Variants in MSL2 observed in about 807,000 individuals in gnomAD.
MSL2 encodes E3 ubiquitin-protein ligase MSL2.
Under a neutral mutation model 35.8 loss-of-function variants are expected in MSL2, and 2 were observed. The ratio of observed to expected loss-of-function variants is 0.06; its 90% CI spans 0.02 to 0.18. MSL2 has a LOEUF of 0.18. Ranked by LOEUF, MSL2 falls within the 10% of genes least tolerant of loss-of-function variation. The probability of loss-of-function intolerance (pLI) is 1.00; values close to 1 mark genes in which losing one functional copy is unlikely to be tolerated. For missense variants in MSL2, 523 were observed against 706.7 expected (o/e 0.74, Z 2.95); for synonymous variants, 296 against 255.7 (o/e 1.16, Z -1.50).
rs1193703473 is a variant in MSL2, at chr3:136,151,542, T to C, written c.1339A>G (p.Ser447Gly). ...KIPSHHFMPG[S>G]PTKTVYKKPQ... Reference sequence around the variant, plus strand: ...TTTTTGTACACAGTCTTGGTAGGACTTCCTGGCATAAAATGATGACTAGGA... The same window carrying C: ...TTTTTGTACACAGTCTTGGTAGGACCTCCTGGCATAAAATGATGACTAGGA... Residue 447 changes from serine (S) to glycine (G), a missense_variant, in exon 2 of 2, where the codon AGT (serine) becomes GGT (glycine). Ser to Gly is a moderately conservative substitution (Grantham distance 56, BLOSUM62 0). This residue lies in a region of MSL2 where 361 missense variants were observed against 414.6 expected (regional missense o/e 0.87). Coordinates refer to ENST00000309993, the MANE Select transcript of MSL2 (RefSeq NM_018133.4). The surrounding 1 kb of genome is among the most constrained non-coding windows in gnomAD (Gnocchi z 5.2). The C allele has an allele frequency of 5.0e-6, 8 of 1,614,226 alleles. No homozygotes were observed. Among genetic ancestry groups the C allele is most frequent in the Non-Finnish European group, 6.8e-6 (8 of 1,180,048 alleles).
intron 1 of MSL2, among the ~76,000 whole-genome samples, chr3:136,157,831 A>G (rs2108063832): frequency 6.6e-6 from 1 of 152,368 alleles, no homozygotes; most frequent in East Asian, 1.9e-4. Context: ...ACCTGTAATA[A>G]AAGTTTTAAA....
chr3:136,160,599 A>G (rs1044402152), intron 1 of MSL2, among the ~76,000 whole-genome samples: 1 of 151,712 alleles, frequency 6.6e-6, no homozygotes, highest in Admixed American at 6.6e-5. Context: ...AGTCCCAGCT[A>G]CTCAGGAGGC....
At chr3:136,176,299 A>G (rs1263857393) in intron 1 of MSL2, among the ~76,000 whole-genome samples, 1 of 152,046 alleles carries the variant, frequency 6.6e-6, no homozygotes, top group Admixed American at 6.6e-5. Flanking sequence ...GGATTGCTTG[A>G]GTCCAGGAGT....
chr3:136,185,537 T>TGGGGGGGGG (rs1405100279), intron 1 of MSL2, among the ~76,000 whole-genome samples: 1 of 64,238 alleles, frequency 1.6e-5, no homozygotes, highest in Non-Finnish European at 3.4e-5. Flanking sequence ...TCTTTTTTTT[T>TGGGGGGGGG]GGAGGGGGGG....
chr3:136,151,020 G>C lies in MSL2; in HGVS notation c.*127C>G. On this transcript the variant is annotated 3_prime_UTR_variant, in exon 2 of 2. Coordinates refer to ENST00000309993, the MANE Select transcript of MSL2 (RefSeq NM_018133.4). This position sits in a 1 kb window ranked among gnomAD's most constrained non-coding sequence, Gnocchi z 5.2. ...CCCCGACACTAACACATATAACTTA[G>C]CAATGAAAACACTTGATACAAGTGA... 1 of 1,013,910 alleles carries C rather than the reference G, an allele frequency of 9.9e-7. No individual in the cohort carries two copies. The highest frequency in any genetic ancestry group is 1.5e-6 in the Non-Finnish European group (1 of 682,094). 62.8% of individuals were successfully genotyped at this position (1,013,910 alleles called of 1,614,324 possible).
Position 136,152,422 on chromosome 3 carries a change from C to T in MSL2, c.459G>A (p.Leu153=), listed in dbSNP as rs1279425332. The T allele has an allele frequency of 1.3e-5, 21 of 1,613,996 alleles. No homozygotes were observed. Among genetic ancestry groups the T allele is most frequent in the Non-Finnish European group, 1.7e-5 (20 of 1,180,016 alleles). ...TEKPSDSSFT[L]CLTHSPLPST... ...AAGGTAAAGGGGAATGTGTCAAACA[C>T]AAAGTAAAGGATGAATCTGAGGGTT... The change falls in exon 2 of 2, where the codon TTG becomes TTA. Residue 153 remains leucine (L), a synonymous_variant. Coordinates refer to ENST00000309993, the MANE Select transcript of MSL2 (RefSeq NM_018133.4).
intron 1 of MSL2, among the ~76,000 whole-genome samples, chr3:136,181,566 G>C (rs1450819749): frequency 2.6e-5 from 4 of 152,114 alleles, no homozygotes; most frequent in Non-Finnish European, 4.4e-5. Context: ...TTGTTCTAAA[G>C]GTCTGTAAAT....
chr3:136,154,375 C>A (rs145354169), intron 1 of MSL2, among the ~76,000 whole-genome samples: 1,536 of 152,204 alleles, frequency 0.01, 29 homozygotes, highest in African/African-American at 0.033. Context: ...CTCAAATTAT[C>A]AATGACATAT....
intron 1 of MSL2, among the ~76,000 whole-genome samples, chr3:136,164,640 C>T (rs577628328): frequency 1.3e-5 from 2 of 152,198 alleles, no homozygotes; most frequent in Non-Finnish European, 2.9e-5. Flanking sequence ...AAACCCCCCA[C>T]CTCCAACTTA....
In MSL2 at chr3:136,152,130, T is replaced by C; in HGVS notation, c.751A>G (p.Ile251Val). Reference protein sequence around the residue: ...TVATDLCSTGIDICSFSEDIK... With the variant: ...TVATDLCSTGVDICSFSEDIK... ...TCTTCACTGAAACTGCAGATATCAA[T>C]GCCTGTGGAACATAAGTCAGTGGCT... The change falls in exon 2 of 2, where the codon ATT becomes GTT. Residue 251 changes from isoleucine (I) to valine (V), a missense_variant. By Grantham distance (29) the Ile-to-Val change is conservative. Around this residue, in one of 5 missense-constraint regions of MSL2, gnomAD observed 361 missense variants for 414.6 expected, o/e 0.87. Coordinates refer to ENST00000309993, the MANE Select transcript of MSL2 (RefSeq NM_018133.4). The C allele has an allele frequency of 1.9e-6, 3 of 1,614,188 alleles. No individual in the cohort carries two copies. The highest frequency in any genetic ancestry group is 2.2e-5 in the South Asian group (2 of 91,080).
At position 136,151,516 on chromosome 3, in the gene MSL2, T is replaced by C; in HGVS notation, c.1365A>G (p.Lys455=). ...ATTTACACCCTTTCTTTTCCTGGGG[T>C]TTTTTGTACACAGTCTTGGTAGGAC... ...PGSPTKTVYK[K]PQEKKGCKCG... Residue 455 remains lysine (K), a synonymous_variant, in exon 2 of 2, where the codon AAA becomes AAG. Transcript: ENST00000309993. This position sits in a 1 kb window ranked among gnomAD's most constrained non-coding sequence, Gnocchi z 5.2. 2 of 1,614,016 alleles carry C rather than the reference T, an allele frequency of 1.2e-6. No individual in the cohort carries two copies. Among genetic ancestry groups the C allele is most frequent in the East Asian group, 2.2e-5 (1 of 44,888 alleles).
chr3:136,164,818 G>T (rs924323028), intron 1 of MSL2, among the ~76,000 whole-genome samples: 2 of 152,218 alleles, frequency 1.3e-5, no homozygotes, highest in Admixed American at 6.5e-5. Flanking sequence ...AGCATAGATC[G>T]TGTTCCATAT....
intron 1 of MSL2, among the ~76,000 whole-genome samples, chr3:136,170,099 T>C (rs1039121493): frequency 2.0e-5 from 3 of 149,202 alleles, no homozygotes; most frequent in Non-Finnish European, 3.0e-5. Context: ...CCCAGCACTT[T>C]GGGAGGCTGA....
chr3:136,170,507 CCTTTT>C (rs1251447097), intron 1 of MSL2, among the ~76,000 whole-genome samples: 49 of 142,668 alleles, frequency 3.4e-4, no homozygotes, highest in Non-Finnish European at 6.1e-4. Flanking sequence ...AAAACTCTGT[CCTTTT>C]TTTTTTTTTT....
At chr3:136,165,203 G>A (rs1193497251) in intron 1 of MSL2, among the ~76,000 whole-genome samples, 2 of 139,448 alleles carry the variant, frequency 1.4e-5, no homozygotes, top group Admixed American at 7.2e-5. Flanking sequence ...TGTAAAGTTC[G>A]TGACAAAAAA....
At chr3:136,168,824 T>C (rs1434624037) in intron 1 of MSL2, among the ~76,000 whole-genome samples, 2 of 152,076 alleles carry the variant, frequency 1.3e-5, no homozygotes, top group African/African-American at 2.4e-5. Context: ...TAAAACCAAT[T>C]TCCTCAGCAA....
chr3:136,152,203 T>C lies in MSL2; in HGVS notation c.678A>G (p.Ile226Met). ...NTIDVCNTVD[I>M]KTEDLSDSLP... ...GGCTGTCAGACAGATCCTCAGTTTTTATGTCAACAGTATTACATACGTCAA... is the reference window on the plus strand; with the variant it reads ...GGCTGTCAGACAGATCCTCAGTTTTCATGTCAACAGTATTACATACGTCAA... The change falls in exon 2 of 2, where the codon ATA becomes ATG. Residue 226 changes from isoleucine to methionine, a missense_variant. Around this residue, in one of 5 missense-constraint regions of MSL2, gnomAD observed 361 missense variants for 414.6 expected, o/e 0.87. Transcript: ENST00000309993. 6.2e-7 allele frequency: 1 copy of C among 1,614,170 alleles called. No individual in the cohort carries two copies.
intron 1 of MSL2, chr3:136,194,432 G>C: frequency 1.0e-6 from 1 of 985,266 alleles, no homozygotes; most frequent in South Asian, 4.7e-5. Flanking sequence ...AGCCTTCCCC[G>C]GCTCGCTGTT....
chr3:136,157,367 G>A (rs1288357015), intron 1 of MSL2, among the ~76,000 whole-genome samples: 1 of 152,076 alleles, frequency 6.6e-6, no homozygotes, highest in Non-Finnish European at 1.5e-5. Context: ...ATTATCCAAG[G>A]GTGGTGAACA....
Sources: allele counts gnomAD v4.1 joint callset (sites outside exome capture counted in the v4.1 genomes callset), GRCh38; gene constraint gnomAD v4.1.1; regional missense constraint gnomAD v4.1.1; non-coding constraint Gnocchi (gnomAD v3.1); transcripts MANE v1.5; gene names NCBI Gene and HGNC (gene_info 2026-07-23, HGNC 2026-07-21).